CHRNA1: variants seen among roughly 807,000 people sequenced by gnomAD.
CHRNA1 encodes cholinergic receptor nicotinic alpha 1 subunit.
Under a neutral mutation model 47.1 loss-of-function variants are expected in CHRNA1, and 35 were observed. The ratio of observed to expected loss-of-function variants is 0.74; its 90% CI spans 0.57 to 0.99. The LOEUF (loss-of-function observed/expected upper bound fraction) is 0.99, where lower values mean the gene tolerates loss of function less well. Ranked by LOEUF, CHRNA1 falls within the 50% of genes least tolerant of loss-of-function variation. The pLI is 0.00. For synonymous variants in CHRNA1, 229 were observed against 223.6 expected (o/e 1.02, Z -0.22); for missense variants, 506 against 591.1 (o/e 0.86, Z 1.49).
chr2:174,755,301 G>T (rs1017986367), intron 4 of CHRNA1, among the ~76,000 whole-genome samples: 1 of 152,134 alleles, frequency 6.6e-6, no homozygotes, highest in South Asian at 2.1e-4. Flanking sequence ...TGAACAGAGC[G>T]CCCCTCTCTC....
chr2:174,759,605 C>T lies in CHRNA1; in HGVS notation c.72G>A (p.Glu24=). ...TAAATAGCTTTGCCACCAGACGGGTCTCATGTTCGGAGCCCAGGACGAGGC... is the reference window on the plus strand; with the variant it reads ...TAAATAGCTTTGCCACCAGACGGGTTTCATGTTCGGAGCCCAGGACGAGGC... ...SAGLVLGSEH[E]TRLVAKLFKD... is the part of the protein sequence containing the mutation. The change falls in exon 2 of 9, where the codon GAG becomes GAA. Residue 24 remains glutamate (E), a synonymous_variant. Transcript: ENST00000348749. 6.2e-7 allele frequency: 1 copy of T among 1,613,896 alleles called. No homozygotes were observed. Among genetic ancestry groups the T allele is most frequent in the Non-Finnish European group, 8.5e-7 (1 of 1,179,986 alleles).
At position 174,748,826 on chromosome 2, in the gene CHRNA1, TA is replaced by T; in HGVS notation, c.1003-8del. The T allele has an allele frequency of 1.2e-6, 2 of 1,613,698 alleles. No individual in the cohort carries two copies. The highest frequency in any genetic ancestry group is 1.7e-6 in the Non-Finnish European group (2 of 1,179,986). On this transcript the variant is annotated splice_region_variant and splice_polypyrimidine_tract_variant and intron_variant, in intron 7 of 8. Coordinates refer to ENST00000348749, the MANE Select transcript of CHRNA1 (RefSeq NM_000079.4). The stretch of plus-strand genomic sequence containing the variant: ...GGATAGTGTCGATAAAAACCTAACA[TA>T]AAAAAGAAATCCATGCATGAGAATT...
chr2:174,761,734 G>A (rs1020423243), intron 1 of CHRNA1, among the ~76,000 whole-genome samples: 1 of 152,220 alleles, frequency 6.6e-6, no homozygotes, highest in Non-Finnish European at 1.5e-5. Flanking sequence ...AAGGGAATAT[G>A]TTGTTTGAAT....
chr2:174,763,402 T>C (rs1684134122), intron 1 of CHRNA1, among the ~76,000 whole-genome samples: 1 of 152,062 alleles, frequency 6.6e-6, no homozygotes, highest in Non-Finnish European at 1.5e-5. Flanking sequence ...CCACATGATA[T>C]AATTTATCTG....
chr2:174,762,455 G>A (rs1211520100), intron 1 of CHRNA1, among the ~76,000 whole-genome samples: 1 of 152,156 alleles, frequency 6.6e-6, no homozygotes, highest in Admixed American at 6.5e-5. Flanking sequence ...TCAGATGATG[G>A]TAACATTAAT....
At chr2:174,758,506 A>G (rs1166838969) in intron 3 of CHRNA1, among the ~76,000 whole-genome samples, 2 of 152,186 alleles carry the variant, frequency 1.3e-5, no homozygotes, top group South Asian at 2.1e-4. Context: ...GAGCACCAAC[A>G]TGACACTCAG....
intron 7 of CHRNA1, 25 bp from the exon 8 acceptor site, chr2:174,748,844 A>T (rs1277095188): frequency 1.2e-6 from 2 of 1,612,292 alleles, no homozygotes; most frequent in Non-Finnish European, 1.7e-6. Context: ...AAATCCATGC[A>T]TGAGAATTAT....
chr2:174,760,120 G>T (rs1684074697), intron 1 of CHRNA1, among the ~76,000 whole-genome samples: 1 of 152,160 alleles, frequency 6.6e-6, no homozygotes, highest in African/African-American at 2.4e-5. Context: ...AATAACAAGG[G>T]TTGGGGAGGT....
chr2:174,764,463 G>A lies in CHRNA1; in HGVS notation c.-69C>T, dbSNP rs1381686942. 2.6e-6 allele frequency: 4 copies of A among 1,526,718 alleles called. No individual in the cohort carries two copies. In the African/African-American group the frequency reaches 5.5e-5, roughly 21 times the overall value. The allele number at this position is 1,526,718 out of a possible 1,614,324, so 94.6% of individuals were successfully genotyped here. A position where few individuals can be genotyped will look rare whatever the true frequency, so the allele number is the denominator to read the frequency against. ...TGCTTCTCACTGGCACTCTGGCTGGGTGCTTGTCTGCTGGAGGGTTTGGAA... is the reference window on the plus strand; with the variant it reads ...TGCTTCTCACTGGCACTCTGGCTGGATGCTTGTCTGCTGGAGGGTTTGGAA... On this transcript the variant is annotated 5_prime_UTR_variant, in exon 1 of 9. Coordinates refer to ENST00000348749, the MANE Select transcript of CHRNA1 (RefSeq NM_000079.4).
intron 6 of CHRNA1, chr2:174,752,796 G>C (rs1050485023): frequency 6.7e-6 from 1 of 148,554 alleles, no homozygotes; most frequent in Non-Finnish European, 1.5e-5. Context: ...ATTGCTACCT[G>C]TCATAAGCTT....
Position 174,759,527 on chromosome 2 carries a change from C to T in CHRNA1, c.150G>A (p.Glu50=), listed in dbSNP as rs1672011896. The part of the protein sequence containing the change: ...RPVEDHRQVV[E]VTVGLQLIQL... ...GTATCAGCTGCAGGCCCACGGTGAC[C>T]TCCACGACCTGGCGGTGGTCTTCCA... The change falls in exon 2 of 9, where the codon GAG becomes GAA. Residue 50 remains glutamate (E), a synonymous_variant. Transcript: ENST00000348749. 1.9e-6 allele frequency: 3 copies of T among 1,614,150 alleles called. No individual in the cohort carries two copies. The highest frequency in any genetic ancestry group is 1.7e-6 in the Non-Finnish European group (2 of 1,180,022).
At chr2:174,757,959 T>A (rs780811681) in intron 3 of CHRNA1, 15 of 1,562,966 alleles carry the variant, frequency 9.6e-6, no homozygotes, top group Non-Finnish European at 1.2e-5. Context: ...ATTCTGCAGA[T>A]GAGAAAACAA....
chr2:174,752,699 T>C (rs991429685), intron 6 of CHRNA1: 1 of 152,292 alleles, frequency 6.6e-6, no homozygotes, highest in African/African-American at 2.4e-5. Context: ...ATTCACTGAA[T>C]GAGTAAATGA....
In CHRNA1 at chr2:174,748,447, G is replaced by A. The variant is rs562003438; in HGVS notation, c.1242+133C>T. ...TAACTTACTAAGGTGGTCTAGAGGC[G>A]GTCACCAGGGTTCATCTTAGGTCAG... On this transcript the variant is annotated intron_variant, in intron 8 of 8. Transcript: ENST00000348749. 141 of 1,396,408 alleles carry A rather than the reference G, an allele frequency of 1.0e-4. No homozygotes were observed. In the African/African-American group the frequency reaches 1.2e-3, roughly 12 times the overall value. 86.5% of individuals were successfully genotyped at this position (1,396,408 alleles called of 1,614,324 possible).
chr2:174,759,193 C>T (rs1684042919), intron 3 of CHRNA1, 138 bp downstream of exon 3: 2 of 1,013,382 alleles, frequency 2.0e-6, no homozygotes, highest in Admixed American at 1.9e-5. Flanking sequence ...AAACAGGATC[C>T]ATGCTTTCAC....
At chr2:174,756,259 G>T (rs1683979010) in intron 4 of CHRNA1, among the ~76,000 whole-genome samples, 1 of 152,190 alleles carries the variant, frequency 6.6e-6, no homozygotes, top group Non-Finnish European at 1.5e-5. Flanking sequence ...GTCTGTTCAA[G>T]GGATTTAGCA....
At chr2:174,757,891 A>G in intron 3 of CHRNA1, 5 of 1,060,316 alleles carry the variant, frequency 4.7e-6, no homozygotes, top group South Asian at 3.9e-5. Context: ...CAACTTACCT[A>G]TATTAACTCA....
Position 174,759,646 on chromosome 2 carries a change from A to T in CHRNA1, c.44-13T>A, listed in dbSNP as rs372937915. ...AGGACGAGGCCAGCTGAGACAGCAG[A>T]TGACACCAACACTGTCAGATTCTTC... On this transcript the variant is annotated splice_polypyrimidine_tract_variant and intron_variant, in intron 1 of 8. Coordinates refer to ENST00000348749, the MANE Select transcript of CHRNA1 (RefSeq NM_000079.4). The T allele has an allele frequency of 1.9e-6, 3 of 1,612,244 alleles. No individual in the cohort carries two copies. The highest frequency in any genetic ancestry group is 2.5e-6 in the Non-Finnish European group (3 of 1,179,894).
At chr2:174,750,212 A>C in intron 6 of CHRNA1, 43 bp from the exon 7 acceptor site, 7 of 1,502,300 alleles carry the variant, frequency 4.7e-6, no homozygotes, top group Non-Finnish European at 5.5e-6. Flanking sequence ...ACAACTACCC[A>C]TCTGGGTTGG....
Sources: gnomAD v4.1 joint callset for allele counts (sites outside exome capture counted in the v4.1 genomes callset) on GRCh38, gnomAD v4.1.1 for gene constraint, MANE v1.5 for transcripts, NCBI Gene and HGNC (gene_info 2026-07-23, HGNC 2026-07-21) for gene names.